RAP1GAP2: variants seen among roughly 807,000 people sequenced by gnomAD.
The protein encoded by RAP1GAP2 is RAP1 GTPase activating protein 2.
Under a neutral mutation model 95.0 loss-of-function variants are expected in RAP1GAP2, and 27 were observed. The observed-to-expected ratio is 0.28, with a 90% CI of 0.21 to 0.39. RAP1GAP2 has a LOEUF of 0.39. Ranked by LOEUF, RAP1GAP2 falls within the 10% of genes least tolerant of loss-of-function variation. The pLI is 1.00. For missense variants in RAP1GAP2, 771 were observed against 970.0 expected (o/e 0.79, Z 2.72); for synonymous variants, 373 against 380.9 (o/e 0.98, Z 0.24).
At chr17:2,834,575 T>C (rs2071047718) in intron 2 of RAP1GAP2, among the ~76,000 whole-genome samples, 1 of 152,174 alleles carries the variant, frequency 6.6e-6, no homozygotes. Flanking sequence ...GGTGGGCAGA[T>C]GGCTCGAGCC....
chr17:2,835,001 A>G (rs2071068025), intron 2 of RAP1GAP2, among the ~76,000 whole-genome samples: 1 of 151,156 alleles, frequency 6.6e-6, no homozygotes, highest in African/African-American at 2.4e-5. Context: ...CTCACTGCAC[A>G]CTCCACCTCC....
chr17:2,953,737 C>T (rs1294018956), intron 3 of RAP1GAP2, among the ~76,000 whole-genome samples: 1 of 152,156 alleles, frequency 6.6e-6, no homozygotes, highest in Non-Finnish European at 1.5e-5. Flanking sequence ...ATCCCAGCTA[C>T]TCCGGAGGCT....
Position 3,032,452 on chromosome 17 carries a change from G to A in RAP1GAP2, c.*30+3G>A, listed in dbSNP as rs779252021. The A allele has an allele frequency of 6.2e-7, 1 of 1,613,488 alleles. No homozygotes were observed. Among genetic ancestry groups the A allele is most frequent in the Non-Finnish European group, 8.5e-7 (1 of 1,179,470 alleles). ...GTGGAGTCCTTCGCCTGTCCAAGGTGGGTTGAGTGAATGTCCTGCTGTGGC... is the reference window on the plus strand; with the variant it reads ...GTGGAGTCCTTCGCCTGTCCAAGGTAGGTTGAGTGAATGTCCTGCTGTGGC... On this transcript the variant is annotated splice_donor_region_variant and intron_variant, in intron 24 of 24. Coordinates refer to ENST00000254695, the MANE Select transcript of RAP1GAP2 (RefSeq NM_015085.5).
chr17:2,800,364 C>T (rs570975791), intron 1 of RAP1GAP2, 151 bp from the exon 2 acceptor site: 7 of 1,258,474 alleles, frequency 5.6e-6, no homozygotes, highest in African/African-American at 3.0e-5. Context: ...CGTCTCTCCC[C>T]CTGCTAGCGG....
intron 3 of RAP1GAP2, among the ~76,000 whole-genome samples, chr17:2,931,175 G>A (rs1270133845): frequency 3.4e-5 from 5 of 149,214 alleles, no homozygotes; most frequent in Admixed American, 3.3e-4. Context: ...GATGATAACT[G>A]TTTATGGCAG....
rs901665404 is a variant in RAP1GAP2, at chr17:2,857,865, C to T, written c.81-47419C>T. 2.2e-4 allele frequency among the ~76,000 whole-genome samples: 33 copies of T among 152,254 alleles called. No individual in the cohort carries two copies. Among genetic ancestry groups the T allele is most frequent in the African/African-American group, 6.3e-4 (26 of 41,542 alleles). ...CTGTAATCCCAGCACTTTGGGAGGCCGAGGTGGGTGGACCACCTGAGGTCA... is the reference window on the plus strand; with the variant it reads ...CTGTAATCCCAGCACTTTGGGAGGCTGAGGTGGGTGGACCACCTGAGGTCA... On this transcript the variant is annotated intron_variant, in intron 2 of 24. Transcript: ENST00000254695. The surrounding 1 kb of genome is among the most constrained non-coding windows in gnomAD (Gnocchi z 4.0).
At position 2,854,851 on chromosome 17, in the gene RAP1GAP2, T is replaced by C. The variant is rs149216502; in HGVS notation, c.81-50433T>C. ...TTGGCACAAAGCCTCCCTGTTCTGC[T>C]AGGGTGCATGGCAGAGCCTCCAGCA... On this transcript the variant is annotated intron_variant, in intron 2 of 24. Coordinates refer to ENST00000254695, the MANE Select transcript of RAP1GAP2 (RefSeq NM_015085.5). Among the ~76,000 whole-genome samples, 1,104 of 152,184 alleles carry C rather than the reference T, an allele frequency of 7.3e-3. 8 individuals carry two copies. Among genetic ancestry groups the C allele is most frequent in the Middle Eastern group, 0.014 (4 of 294 alleles).
chr17:3,028,748 T>C (rs930869061), intron 22 of RAP1GAP2, among the ~76,000 whole-genome samples: 5 of 152,130 alleles, frequency 3.3e-5, no homozygotes, highest in African/African-American at 4.8e-5. Flanking sequence ...CATTGACAGG[T>C]CCACGTCTCT....
At chr17:2,898,304 C>G (rs910193920) in intron 2 of RAP1GAP2, among the ~76,000 whole-genome samples, 1 of 152,172 alleles carries the variant, frequency 6.6e-6, no homozygotes, top group Admixed American at 6.5e-5. Flanking sequence ...GCTGTGACCC[C>G]GAGGTCAGCC....
intron 2 of RAP1GAP2, among the ~76,000 whole-genome samples, chr17:2,885,514 A>T (rs2073463500): frequency 6.6e-6 from 1 of 152,146 alleles, no homozygotes; most frequent in South Asian, 2.1e-4. Context: ...GAGGTGAGCA[A>T]TGGTGAGGCC....
chr17:2,802,490 G>A (rs1211803916), intron 2 of RAP1GAP2, among the ~76,000 whole-genome samples: 1 of 151,968 alleles, frequency 6.6e-6, no homozygotes, highest in Non-Finnish European at 1.5e-5. Flanking sequence ...TGGGTGGATC[G>A]CCTGAGGTCA....
Position 2,995,380 on chromosome 17 carries a change from G to A in RAP1GAP2, c.958G>A (p.Glu320Lys). 1 of 1,613,944 alleles carries A rather than the reference G, an allele frequency of 6.2e-7. No individual in the cohort carries two copies. Among genetic ancestry groups the A allele is most frequent in the South Asian group, 1.1e-5 (1 of 91,080 alleles). ...CGTGACCCACGGACAGACAGGGGTGGAATCAGTGTACACAACATTCCGGGA... is the reference window on the plus strand; with the variant it reads ...CGTGACCCACGGACAGACAGGGGTGAAATCAGTGTACACAACATTCCGGGA... ...LDVTHGQTGVESVYTTFRDRE... is the reference protein window; with the variant it reads ...LDVTHGQTGVKSVYTTFRDRE... The change falls in exon 13 of 25, where the codon GAA becomes AAA. Residue 320 changes from glutamate (E) to lysine (K), a missense_variant. Coordinates refer to ENST00000254695, the MANE Select transcript of RAP1GAP2 (RefSeq NM_015085.5).
rs1031085922 is a variant in RAP1GAP2 at position 2,827,975 on chromosome 17, G to A, written c.80+27425G>A. Among the ~76,000 whole-genome samples the A allele has an allele frequency of 1.3e-5, 2 of 152,212 alleles. No individual in the cohort carries two copies. The highest frequency in any genetic ancestry group is 2.4e-5 in the African/African-American group (1 of 41,466). On this transcript the variant is annotated intron_variant, in intron 2 of 24. Coordinates refer to ENST00000254695, the MANE Select transcript of RAP1GAP2 (RefSeq NM_015085.5). The surrounding 1 kb of genome is among the most constrained non-coding windows in gnomAD (Gnocchi z 4.1). ...GCCCTTCCCTGTGGGGGAGCCACAA[G>A]AGGCCGTCCCTGGGCCTGCAAGCAT... is the stretch of plus-strand genomic sequence containing the variant.
At chr17:2,995,512 G>A in intron 13 of RAP1GAP2, 46 bp downstream of exon 13, 2 of 1,609,742 alleles carry the variant, frequency 1.2e-6, no homozygotes, top group Non-Finnish European at 1.7e-6. Flanking sequence ...CGGGCGAGGT[G>A]AGGGCCTGCC....
At chr17:2,954,317 G>C (rs537666557) in intron 3 of RAP1GAP2, among the ~76,000 whole-genome samples, 22 of 152,012 alleles carry the variant, frequency 1.4e-4, no homozygotes, top group African/African-American at 5.3e-4. Flanking sequence ...TGTTAGCCAG[G>C]ATGGTCTCGA....
In RAP1GAP2 at chr17:3,005,468, C is replaced by T. The variant is rs375249935; in HGVS notation, c.1272+28C>T. The T allele has an allele frequency of 1.6e-5, 26 of 1,588,042 alleles. No individual in the cohort carries two copies. The Admixed American group carries it at 2.5e-4, about 15-fold the overall frequency. On this transcript the variant is annotated intron_variant, in intron 15 of 24. Transcript: ENST00000254695. The surrounding 1 kb of genome is among the most constrained non-coding windows in gnomAD (Gnocchi z 5.2). ...AGGACACTCTTCCTTCTGCCCCTCTCGCATCCACGATGCCAGGTCTCAGTG... is the reference window on the plus strand; with the variant it reads ...AGGACACTCTTCCTTCTGCCCCTCTTGCATCCACGATGCCAGGTCTCAGTG...
intron 3 of RAP1GAP2, among the ~76,000 whole-genome samples, chr17:2,946,599 A>G (rs1055276051): frequency 2.6e-5 from 4 of 152,078 alleles, no homozygotes; most frequent in Admixed American, 6.6e-5. Flanking sequence ...ACCTTGCCAC[A>G]TCTCTGCTCT....
At chr17:2,990,954 C>T (rs1178952960) in intron 11 of RAP1GAP2, among the ~76,000 whole-genome samples, 1 of 151,710 alleles carries the variant, frequency 6.6e-6, no homozygotes. Flanking sequence ...AAGCGATTCT[C>T]CTCTCTCAGT....
intron 13 of RAP1GAP2, among the ~76,000 whole-genome samples, chr17:2,997,325 T>G (rs1483214700): frequency 6.6e-6 from 1 of 152,220 alleles, no homozygotes; most frequent in Admixed American, 6.5e-5. Flanking sequence ...CCTCTCAGGT[T>G]GCTTTCCAGC....
Sources: allele counts gnomAD v4.1 joint callset (sites outside exome capture counted in the v4.1 genomes callset), GRCh38; gene constraint gnomAD v4.1.1; non-coding constraint Gnocchi (gnomAD v3.1); transcripts MANE v1.5; gene names NCBI Gene and HGNC (gene_info 2026-07-23, HGNC 2026-07-21).